KIAA1217: variants seen among roughly 807,000 people sequenced by gnomAD.
The protein encoded by KIAA1217 is sickle tail protein homolog.
KIAA1217 carries 88 observed loss-of-function variants against 163.9 expected under a neutral mutation model. The ratio of observed to expected loss-of-function variants is 0.54; its 90% CI spans 0.45 to 0.64. The LOEUF (loss-of-function observed/expected upper bound fraction) is 0.64, where lower values mean the gene tolerates loss of function less well. KIAA1217 is among the 30% of genes least tolerant of loss of function. KIAA1217 has a pLI of 0.00. For missense variants in KIAA1217, 2,372 were observed against 2,475.0 expected (o/e 0.96, Z 0.88); for synonymous variants, 903 against 923.1 (o/e 0.98, Z 0.39).
chr10:24,504,435 A>C (rs116920546), intron 9 of KIAA1217, among the ~76,000 whole-genome samples: 6 of 152,262 alleles, frequency 3.9e-5, no homozygotes, highest in Non-Finnish European at 8.8e-5. Context: ...CCTCCCCATC[A>C]AACTTCTGTC....
chr10:24,100,696 A>G (rs1205818253), intron 2 of KIAA1217, among the ~76,000 whole-genome samples: 2 of 152,304 alleles, frequency 1.3e-5, no homozygotes, highest in Non-Finnish European at 2.9e-5. Context: ...TTTTCAAACT[A>G]TTTTGCAAGG....
At position 23,695,062 on chromosome 10, in the gene KIAA1217, G is replaced by C. The variant is rs1175056825; in HGVS notation, c.-493G>C. 1 of 152,242 alleles carries C rather than the reference G, an allele frequency of 6.6e-6. No homozygotes were observed. The highest frequency in any genetic ancestry group is 2.4e-5 in the African/African-American group (1 of 41,452). The allele number at this position is 152,242 out of a possible 1,614,324, so 9.4% of individuals were successfully genotyped here. A position where few individuals can be genotyped will look rare whatever the true frequency, so the allele number is the denominator to read the frequency against. On this transcript the variant is annotated 5_prime_UTR_variant, in exon 1 of 19. Coordinates refer to the KIAA1217 transcript ENST00000376462. This position sits in a 1 kb window ranked among gnomAD's most constrained non-coding sequence, Gnocchi z 4.9. ...CAGCCGCGAGCGGCGGCCGAACCTC[G>C]GCCCCAGACTCGGGCCCCCGGCACG...
At chr10:24,526,769 A>G (rs1171157639) in intron 13 of KIAA1217, among the ~76,000 whole-genome samples, 1 of 152,174 alleles carries the variant, frequency 6.6e-6, no homozygotes, top group African/African-American at 2.4e-5. Flanking sequence ...TCTGCCCTCA[A>G]GACACTTACC....
At chr10:24,334,577 T>C (rs2046115514) in intron 2 of KIAA1217, among the ~76,000 whole-genome samples, 1 of 152,184 alleles carries the variant, frequency 6.6e-6, no homozygotes, top group Non-Finnish European at 1.5e-5. Context: ...TAAGGACTTA[T>C]AAATCCTTAC....
chr10:24,418,112 A>G (rs1344076227), intron 3 of KIAA1217, among the ~76,000 whole-genome samples: 2 of 151,940 alleles, frequency 1.3e-5, no homozygotes, highest in African/African-American at 2.4e-5. Flanking sequence ...ACCAATAAAA[A>G]AAAAATGCTG....
intron 1 of KIAA1217, among the ~76,000 whole-genome samples, chr10:23,837,238 T>C (rs1838514029): frequency 6.6e-6 from 1 of 152,150 alleles, no homozygotes; most frequent in Admixed American, 6.5e-5. Flanking sequence ...AAATTTCTCT[T>C]GTTCAGGCCA....
At chr10:23,911,894 G>C (rs530129283) in intron 1 of KIAA1217, among the ~76,000 whole-genome samples, 11 of 152,202 alleles carry the variant, frequency 7.2e-5, no homozygotes, top group African/African-American at 2.6e-4. Flanking sequence ...AGTTGTGATA[G>C]CACTGATTAT....
At chr10:24,241,781 G>C (rs552356674) in intron 2 of KIAA1217, among the ~76,000 whole-genome samples, 167 of 152,316 alleles carry the variant, frequency 1.1e-3, no homozygotes, top group African/African-American at 4.0e-3. Flanking sequence ...TTTAGCCACA[G>C]TGTTTCTAGC....
At chr10:24,293,220 G>A (rs1373321762) in intron 2 of KIAA1217, among the ~76,000 whole-genome samples, 12 of 151,974 alleles carry the variant, frequency 7.9e-5, no homozygotes, top group Non-Finnish European at 1.6e-4. Context: ...TTTTGTTGTT[G>A]TTGTTGTTTG....
intron 1 of KIAA1217, among the ~76,000 whole-genome samples, chr10:23,734,479 G>A (rs1564375975): frequency 1.3e-5 from 2 of 151,630 alleles, no homozygotes; most frequent in Admixed American, 1.3e-4. Flanking sequence ...ACTGGAGACA[G>A]GATTTCACCA....
At chr10:23,723,351 A>G (rs1361690678) in intron 1 of KIAA1217, among the ~76,000 whole-genome samples, 5 of 151,822 alleles carry the variant, frequency 3.3e-5, no homozygotes, top group African/African-American at 1.2e-4. Flanking sequence ...ACTTATTCCC[A>G]TTCCTTCTCT....
rs560884437 is a variant in KIAA1217 at position 24,073,292 on chromosome 10, C to T, written c.-171+65918C>T. On this transcript the variant is annotated intron_variant, in intron 2 of 18. Transcript: ENST00000376462. ...GGAGAAGGGGTCTAGATTTCCTGGGCGGCTGGGGCAGGCATGTGAGTAGCG... is the reference window on the plus strand; with the variant it reads ...GGAGAAGGGGTCTAGATTTCCTGGGTGGCTGGGGCAGGCATGTGAGTAGCG... 4.2e-4 allele frequency among the ~76,000 whole-genome samples: 64 copies of T among 151,902 alleles called. 1 individual carries two copies. The highest frequency in any genetic ancestry group is 9.8e-4 in the Admixed American group (15 of 15,236).
chr10:24,495,036 C>T, intron 7 of KIAA1217, 111 bp from the exon 8 acceptor site: 1 of 871,670 alleles, frequency 1.1e-6, no homozygotes, highest in Non-Finnish European at 1.8e-6. Context: ...ACCTTCATTG[C>T]TTAATCCCAT....
At chr10:23,699,421 G>A (rs1398053814) in intron 1 of KIAA1217, among the ~76,000 whole-genome samples, 1 of 152,162 alleles carries the variant, frequency 6.6e-6, no homozygotes, top group Non-Finnish European at 1.5e-5. Context: ...ACACAGCCAT[G>A]GTCAGGATCT....
intron 1 of KIAA1217, among the ~76,000 whole-genome samples, chr10:23,800,874 G>A (rs1267983254): frequency 1.3e-5 from 2 of 152,164 alleles, no homozygotes; most frequent in African/African-American, 4.8e-5. Context: ...TACACTGTTG[G>A]TGGGAGTGTA....
At chr10:24,405,135 A>G (rs2057066362) in intron 3 of KIAA1217, among the ~76,000 whole-genome samples, 1 of 152,222 alleles carries the variant, frequency 6.6e-6, no homozygotes. Context: ...ATACACACAT[A>G]CAAATACATG....
At chr10:24,081,212 T>G (rs2061527376) in intron 2 of KIAA1217, among the ~76,000 whole-genome samples, 1 of 152,246 alleles carries the variant, frequency 6.6e-6, no homozygotes, top group African/African-American at 2.4e-5. Flanking sequence ...TTTCTTCTGA[T>G]GTTTACTTGC....
intron 8 of KIAA1217, among the ~76,000 whole-genome samples, chr10:24,500,566 C>T (rs2067444445): frequency 6.6e-6 from 1 of 152,050 alleles, no homozygotes; most frequent in Non-Finnish European, 1.5e-5. Context: ...TGCCCTCTTT[C>T]TTTTCATTTT....
At position 24,274,865 on chromosome 10, in the gene KIAA1217, T is replaced by C. The variant is rs369260665; in HGVS notation, c.354+54956T>C. Among the ~76,000 whole-genome samples, 160 of 152,294 alleles carry C rather than the reference T, an allele frequency of 1.1e-3. 2 individuals are homozygous for C. The highest frequency in any genetic ancestry group is 3.2e-3 in the African/African-American group (135 of 41,572). ...CCTTCTTGAGCCTAGGAATGCCAAA[T>C]AGTACTTCCACACCATACTTAAGGG... On this transcript the variant is annotated intron_variant, in intron 2 of 20. Transcript: ENST00000376454.
Sources: gnomAD v4.1 joint callset for allele counts (sites outside exome capture counted in the v4.1 genomes callset) on GRCh38, gnomAD v4.1.1 for gene constraint, Gnocchi (gnomAD v3.1) non-coding constraint, MANE v1.5 for transcripts, NCBI Gene and HGNC (gene_info 2026-07-23, HGNC 2026-07-21) for gene names.